Variants in PDE4B observed in about 807,000 individuals in gnomAD.
PDE4B encodes the protein phosphodiesterase 4B, also known as 3',5'-cyclic-AMP phosphodiesterase 4B.
Under a neutral mutation model 82.2 loss-of-function variants are expected in PDE4B, and 20 were observed. That is an observed-to-expected ratio of 0.24 (90% CI 0.17 to 0.35). The LOEUF is 0.35. Ranked by LOEUF, PDE4B falls within the 10% of genes least tolerant of loss-of-function variation. PDE4B has a pLI of 1.00. For missense variants in PDE4B, 655 were observed against 907.2 expected, an observed-to-expected ratio of 0.72 and a Z score of 3.57; for synonymous variants, 320 against 318.9, an observed-to-expected ratio of 1.00 and a Z score of -0.04.
intron 7 of PDE4B, among the ~76,000 whole-genome samples, chr1:66,328,418 C>A (rs1256778397): frequency 6.6e-6 from 1 of 152,194 alleles, no homozygotes; most frequent in African/African-American, 2.4e-5. Context: ...TCAGGGCCAT[C>A]TTATGTAAGA....
chr1:66,339,311 G>C (rs1660783260), intron 8 of PDE4B, among the ~76,000 whole-genome samples: 1 of 152,220 alleles, frequency 6.6e-6, no homozygotes, highest in East Asian at 1.9e-4. Flanking sequence ...GTATTAGTGA[G>C]TATTAGTATT....
chr1:65,854,432 T>G (rs901184602), intron 1 of PDE4B, among the ~76,000 whole-genome samples: 4 of 151,738 alleles, frequency 2.6e-5, no homozygotes, highest in African/African-American at 9.7e-5. Context: ...GCATACCCAC[T>G]GGCATTAAAT....
At chr1:66,095,628 G>A (rs1645100117) in intron 3 of PDE4B, among the ~76,000 whole-genome samples, 1 of 151,894 alleles carries the variant, frequency 6.6e-6, no homozygotes, top group Admixed American at 6.6e-5. Context: ...TAGCCAATTT[G>A]CTGAACTCCT....
In PDE4B at chr1:66,352,427, C is replaced by T. The variant is rs112826008; in HGVS notation, c.748-3100C>T. ...CAGCCCTGCAGCTGAGAGCCACCTC[C>T]CTGATTCCATATTGAAAGTGATTGA... On this transcript the variant is annotated intron_variant, in intron 8 of 16. Transcript: ENST00000341517. 2.4e-3 allele frequency among the ~76,000 whole-genome samples: 361 copies of T among 152,278 alleles called. 2 individuals are homozygous for T. Among genetic ancestry groups the T allele is most frequent in the Non-Finnish European group, 3.8e-3 (261 of 68,030 alleles).
intron 8 of PDE4B, chr1:66,354,736 T>C: frequency 6.9e-7 from 1 of 1,457,604 alleles, no homozygotes; most frequent in Non-Finnish European, 9.0e-7. Flanking sequence ...AAGTTTTGAT[T>C]ATTTTATCAC....
At chr1:66,021,292 T>C (rs1300499897) in intron 3 of PDE4B, among the ~76,000 whole-genome samples, 1 of 152,246 alleles carries the variant, frequency 6.6e-6, no homozygotes, top group Admixed American at 6.5e-5. Flanking sequence ...TGGTAGTTTC[T>C]TTGGCTGTGC....
rs567646954 is a variant in PDE4B, at chr1:66,282,165, G to GT, written c.634+16087dup. Among the ~76,000 whole-genome samples the GT allele has an allele frequency of 4.8e-4, 73 of 151,124 alleles. No homozygotes were observed. In the East Asian group the frequency reaches 5.8e-3, roughly 12 times the overall value. ...CTTGTTCTTCAGCAACATTTAATCT[G>GT]TTTTTTTTTCCTCCAGATTCTAGAA... On this transcript the variant is annotated intron_variant, in intron 7 of 16. Transcript: ENST00000341517.
At chr1:66,048,334 C>T (rs760536100) in intron 3 of PDE4B, among the ~76,000 whole-genome samples, 1 of 151,872 alleles carries the variant, frequency 6.6e-6, no homozygotes, top group South Asian at 2.1e-4. Context: ...CTCCACTGTC[C>T]TCCTACATAA....
At chr1:65,831,425 A>C (rs1321690891) in intron 1 of PDE4B, among the ~76,000 whole-genome samples, 1 of 152,190 alleles carries the variant, frequency 6.6e-6, no homozygotes, top group Non-Finnish European at 1.5e-5. Flanking sequence ...CCATAAATTC[A>C]GCAGCTTTGA....
intron 3 of PDE4B, among the ~76,000 whole-genome samples, chr1:66,054,775 A>G (rs1442659059): frequency 6.6e-6 from 1 of 152,224 alleles, no homozygotes; most frequent in African/African-American, 2.4e-5. Flanking sequence ...GTATACATTC[A>G]GTATCCACAG....
intron 3 of PDE4B, among the ~76,000 whole-genome samples, chr1:66,126,785 A>C (rs2101096424): frequency 6.6e-6 from 1 of 152,346 alleles, no homozygotes; most frequent in Non-Finnish European, 1.5e-5. Flanking sequence ...GATATTTTTA[A>C]TTACAAAAGC....
intron 3 of PDE4B, among the ~76,000 whole-genome samples, chr1:66,023,485 AAC>A (rs1653258473): frequency 6.6e-6 from 1 of 152,166 alleles, no homozygotes; most frequent in African/African-American, 2.4e-5. Flanking sequence ...AGAGACAATA[AAC>A]ACAGTAAGAG....
chr1:66,105,017 G>A (rs1475415010), intron 3 of PDE4B, among the ~76,000 whole-genome samples: 2 of 152,042 alleles, frequency 1.3e-5, no homozygotes, highest in African/African-American at 4.8e-5. Context: ...CCTTGCCCAT[G>A]CCTGTGTTCT....
intron 3 of PDE4B, 90 bp downstream of exon 3, chr1:65,918,925 C>T (rs1376223000): frequency 4.1e-5 from 32 of 784,554 alleles, no homozygotes; most frequent in Non-Finnish European, 7.1e-5. Flanking sequence ...TGTGAGTTTT[C>T]TGTGAAATAC....
chr1:66,021,955 T>C (rs1653147716), intron 3 of PDE4B, among the ~76,000 whole-genome samples: 2 of 152,318 alleles, frequency 1.3e-5, no homozygotes, highest in South Asian at 2.1e-4. Context: ...CATGGAATGT[T>C]TTTCCATTTG....
Position 66,358,172 on chromosome 1 carries a change from C to T in PDE4B, c.841+2552C>T, listed in dbSNP as rs948324313. Among the ~76,000 whole-genome samples, 10 of 152,260 alleles carry T rather than the reference C, an allele frequency of 6.6e-5. 3 individuals are homozygous for T. The highest frequency in any genetic ancestry group is 6.5e-5 in the Admixed American group (1 of 15,296). On this transcript the variant is annotated intron_variant, in intron 9 of 16. Transcript: ENST00000341517. ...AGGGATGAGGTAACTTGACCAAGAT[C>T]GCTTGGCTAATACTTTCCTCAGCCA...
chr1:66,016,513 G>A (rs1334013911), intron 3 of PDE4B, among the ~76,000 whole-genome samples: 3 of 152,076 alleles, frequency 2.0e-5, no homozygotes, highest in Non-Finnish European at 4.4e-5. Context: ...TCAGTTTAAG[G>A]AAGAGTATAT....
At chr1:66,045,137 C>G (rs1654619252) in intron 3 of PDE4B, among the ~76,000 whole-genome samples, 1 of 151,714 alleles carries the variant, frequency 6.6e-6, no homozygotes, top group African/African-American at 2.4e-5. Context: ...GGACTTATGA[C>G]TGTTTACAAA....
intron 1 of PDE4B, among the ~76,000 whole-genome samples, chr1:65,911,338 A>G (rs188422780): frequency 7.4e-4 from 112 of 152,266 alleles, no homozygotes; most frequent in Middle Eastern, 3.4e-3. Context: ...TCACTTAGAA[A>G]ACCTTCTATA....
Sources: gnomAD v4.1 joint callset for allele counts (sites outside exome capture counted in the v4.1 genomes callset) on GRCh38, gnomAD v4.1.1 for gene constraint, MANE v1.5 for transcripts, NCBI Gene and HGNC (gene_info 2026-07-23, HGNC 2026-07-21) for gene names.